Variants in SGCZ observed in about 807,000 individuals in gnomAD.
SGCZ encodes sarcoglycan zeta.
SGCZ carries 40 observed loss-of-function variants against 41.3 expected under a neutral mutation model. That is an observed-to-expected ratio of 0.97 (90% CI 0.75 to 1.26). The LOEUF is 1.26. SGCZ is among the 50% of genes most tolerant of loss of function. The pLI is 0.00. For synonymous variants in SGCZ, 206 were observed against 137.5 expected (o/e 1.50, Z -3.49); for missense variants, 552 against 369.8 (o/e 1.49, Z -4.04).
intron 1 of SGCZ, among the ~76,000 whole-genome samples, chr8:15,218,578 G>C (rs111741323): frequency 6.4e-4 from 98 of 152,310 alleles, no homozygotes; most frequent in African/African-American, 2.2e-3. Context: ...TCCCAGGACA[G>C]ATTTTAACAT....
intron 3 of SGCZ, among the ~76,000 whole-genome samples, chr8:14,281,650 C>A (rs1305486910): frequency 2.0e-5 from 3 of 152,004 alleles, no homozygotes; most frequent in African/African-American, 4.8e-5. Context: ...ATGTCAAATT[C>A]TCTTAATACA....
At chr8:14,830,109 C>T (rs1309591821) in intron 1 of SGCZ, among the ~76,000 whole-genome samples, 1 of 152,110 alleles carries the variant, frequency 6.6e-6, no homozygotes. Flanking sequence ...CGCACCCGGC[C>T]TTATGTTTGT....
chr8:14,108,133 T>C (rs763866373), intron 6 of SGCZ, 30 bp downstream of exon 6: 1 of 1,603,440 alleles, frequency 6.2e-7, no homozygotes, highest in Admixed American at 1.7e-5. Flanking sequence ...TGATGGATTT[T>C]ATGCCACAGG....
chr8:14,191,409 G>A (rs534945429), intron 4 of SGCZ, among the ~76,000 whole-genome samples: 2 of 152,262 alleles, frequency 1.3e-5, no homozygotes, highest in Non-Finnish European at 2.9e-5. Context: ...CACTGCCAAG[G>A]TTAATGTCAA....
chr8:14,103,183 T>C (rs543622208), intron 6 of SGCZ, among the ~76,000 whole-genome samples: 58 of 152,072 alleles, frequency 3.8e-4, no homozygotes, highest in African/African-American at 1.3e-3. Context: ...GAAGGTTGGC[T>C]ACATAAATTA....
intron 1 of SGCZ, among the ~76,000 whole-genome samples, chr8:15,194,373 C>T (rs1015159054): frequency 2.6e-5 from 4 of 152,268 alleles, no homozygotes; most frequent in Non-Finnish European, 5.9e-5. Flanking sequence ...AAACTTCAAA[C>T]AAACATTGTT....
chr8:14,262,757 C>T (rs1799718016), intron 3 of SGCZ, among the ~76,000 whole-genome samples: 1 of 149,962 alleles, frequency 6.7e-6, no homozygotes, highest in South Asian at 2.1e-4. Context: ...GAGCATAAAA[C>T]CTAGAATTAA....
intron 1 of SGCZ, among the ~76,000 whole-genome samples, chr8:14,706,011 T>C (rs1809321534): frequency 6.6e-6 from 1 of 151,932 alleles, no homozygotes; most frequent in Non-Finnish European, 1.5e-5. Flanking sequence ...TAAATAATAG[T>C]CTAGAAATAC....
At chr8:14,965,583 C>T (rs555419029) in intron 1 of SGCZ, among the ~76,000 whole-genome samples, 123 of 152,152 alleles carry the variant, frequency 8.1e-4, no homozygotes, top group African/African-American at 2.9e-3. Flanking sequence ...TACAAGAAAC[C>T]AAAGGCTGTG....
Position 14,237,517 on chromosome 8 carries a change from C to A in SGCZ, c.424+75G>T, listed in dbSNP as rs571836178. 47 of 1,345,214 alleles carry A rather than the reference C, an allele frequency of 3.5e-5. No individual in the cohort carries two copies. The East Asian group carries it at 7.0e-4, about 20-fold the overall frequency. 83.3% of individuals were successfully genotyped at this position (1,345,214 alleles called of 1,614,324 possible). A position where few individuals can be genotyped will look rare whatever the true frequency, so the allele number is the denominator to read the frequency against. On this transcript the variant is annotated intron_variant, in intron 4 of 7. Coordinates refer to ENST00000382080, the MANE Select transcript of SGCZ (RefSeq NM_139167.4). The stretch of plus-strand genomic sequence containing the variant: ...ACAACAACAACAACAACGACAACAA[C>A]AAGAACCAAAAACCAAAAACAACAA...
intron 1 of SGCZ, among the ~76,000 whole-genome samples, chr8:14,817,651 G>A (rs918137653): frequency 6.6e-6 from 1 of 152,166 alleles, no homozygotes; most frequent in Non-Finnish European, 1.5e-5. Flanking sequence ...GAATTACCAA[G>A]ATCTCAATGT....
At chr8:14,843,321 T>G (rs1222898556) in intron 1 of SGCZ, among the ~76,000 whole-genome samples, 1 of 152,190 alleles carries the variant, frequency 6.6e-6, no homozygotes, top group Non-Finnish European at 1.5e-5. Context: ...ACACGACCTA[T>G]GAGTACATTA....
chr8:14,409,217 A>T (rs1006787554), intron 2 of SGCZ, among the ~76,000 whole-genome samples: 1 of 152,090 alleles, frequency 6.6e-6, no homozygotes, highest in African/African-American at 2.4e-5. Context: ...TATACTAGAA[A>T]ATTAATATGA....
intron 3 of SGCZ, among the ~76,000 whole-genome samples, chr8:14,259,990 G>A (rs926525179): frequency 6.6e-6 from 1 of 152,018 alleles, no homozygotes; most frequent in African/African-American, 2.4e-5. Flanking sequence ...TTATTTCCTT[G>A]AGCAGTGGTT....
intron 1 of SGCZ, among the ~76,000 whole-genome samples, chr8:15,140,847 T>G (rs750737106): frequency 6.6e-6 from 1 of 152,202 alleles, no homozygotes; most frequent in African/African-American, 2.4e-5. Context: ...TCAGTAGTAT[T>G]GAACACTAAG....
intron 5 of SGCZ, among the ~76,000 whole-genome samples, chr8:14,152,700 A>G (rs1279301844): frequency 1.3e-5 from 2 of 152,196 alleles, no homozygotes; most frequent in East Asian, 1.9e-4. Context: ...TAAAGAAAAA[A>G]AATTGTTCAC....
At chr8:15,197,449 C>G (rs1800765521) in intron 1 of SGCZ, among the ~76,000 whole-genome samples, 1 of 152,064 alleles carries the variant, frequency 6.6e-6, no homozygotes, top group South Asian at 2.1e-4. Context: ...AAATTCAAAG[C>G]ATAATATCAT....
chr8:14,628,119 T>C (rs1261940788), intron 1 of SGCZ, among the ~76,000 whole-genome samples: 1 of 151,978 alleles, frequency 6.6e-6, no homozygotes, highest in Non-Finnish European at 1.5e-5. Context: ...AGATTGCAGG[T>C]TTAATGCTAC....
intron 3 of SGCZ, among the ~76,000 whole-genome samples, chr8:14,286,880 A>G (rs1471571578): frequency 6.6e-6 from 1 of 152,084 alleles, no homozygotes; most frequent in Non-Finnish European, 1.5e-5. Flanking sequence ...GTATTATCAC[A>G]ATGAGAAAGC....
Sources: allele counts gnomAD v4.1 joint callset (sites outside exome capture counted in the v4.1 genomes callset), GRCh38; gene constraint gnomAD v4.1.1; transcripts MANE v1.5; gene names NCBI Gene and HGNC (gene_info 2026-07-23, HGNC 2026-07-21).